FAM83D: variants seen among roughly 807,000 people sequenced by gnomAD.
FAM83D encodes the protein scaffolding CK1 anchoring protein D, also known as protein FAM83D.
FAM83D carries 26 observed loss-of-function variants against 25.4 expected under a neutral mutation model. That is an observed-to-expected ratio of 1.02 (90% CI 0.75 to 1.42). The LOEUF is 1.42. Among genes scored for constraint, FAM83D ranks in the 40% most tolerant of loss-of-function variants. The probability of loss-of-function intolerance (pLI) is 0.00; values close to 1 mark genes in which losing one functional copy is unlikely to be tolerated. For synonymous variants in FAM83D, 310 were observed against 318.5 expected (o/e 0.97, Z 0.28); for missense variants, 740 against 758.1 (o/e 0.98, Z 0.28).
Position 38,951,893 on chromosome 20 carries a change from C to T in FAM83D, c.1131C>T (p.His377=), listed in dbSNP as rs2085756628. 6.2e-7 allele frequency: 1 copy of T among 1,614,076 alleles called. No individual in the cohort carries two copies. Among genetic ancestry groups the T allele is most frequent in the African/African-American group, 1.3e-5 (1 of 74,934 alleles). ...GTGAGGAAGACTACTTCAGCAGCCA[C>T]AGGGACGAGCTCCAGAGCAGAAAGG... is the stretch of plus-strand genomic sequence containing the variant. The part of the protein sequence containing the change: ...TVSEEDYFSS[H]RDELQSRKAI... The change falls in exon 4 of 4, where the codon CAC becomes CAT. Residue 377 remains histidine (H), a synonymous_variant. Coordinates refer to ENST00000619850, the MANE Select transcript of FAM83D (RefSeq NM_030919.3).
Position 38,947,964 on chromosome 20 carries a change from T to A in FAM83D, c.740T>A (p.Leu247Ter). 3 of 1,614,244 alleles carry A rather than the reference T, an allele frequency of 1.9e-6. No homozygotes were observed. Among genetic ancestry groups the A allele is most frequent in the Non-Finnish European group, 2.5e-6 (3 of 1,180,044 alleles). ...IIGKVHEKFT[L>*]IDGIRVATGS... Reference sequence around the variant, plus strand: ...GGGAAGGTTCACGAAAAGTTCACGTTGATTGATGGCATCCGCGTGGCAACA... The same window carrying A: ...GGGAAGGTTCACGAAAAGTTCACGTAGATTGATGGCATCCGCGTGGCAACA... Residue 247 changes from leucine to a stop codon, truncating the protein, a stop_gained, in exon 3 of 4, where the codon TTG becomes TAG. Coordinates refer to ENST00000619850, the MANE Select transcript of FAM83D (RefSeq NM_030919.3). LOFTEE classifies it low-confidence loss of function (END_TRUNC).
At chr20:38,929,177 C>T (rs925435579) in intron 1 of FAM83D, among the ~76,000 whole-genome samples, 5 of 129,258 alleles carry the variant, frequency 3.9e-5, no homozygotes, top group African/African-American at 1.1e-4. Context: ...GACTCCCTCT[C>T]GGAAAAAAAA....
At chr20:38,930,065 G>A (rs1319337374) in intron 1 of FAM83D, among the ~76,000 whole-genome samples, 2 of 152,252 alleles carry the variant, frequency 1.3e-5, no homozygotes, top group Non-Finnish European at 2.9e-5. Flanking sequence ...CTGGTGGCTA[G>A]CTAAGAGCTA....
chr20:38,942,440 G>C (rs948283368), intron 2 of FAM83D, among the ~76,000 whole-genome samples: 9 of 152,228 alleles, frequency 5.9e-5, no homozygotes, highest in African/African-American at 2.2e-4. Flanking sequence ...TAAATGATAT[G>C]TTGTCTATTC....
chr20:38,938,737 A>G (rs2085688987), intron 1 of FAM83D, among the ~76,000 whole-genome samples: 1 of 151,938 alleles, frequency 6.6e-6, no homozygotes, highest in Non-Finnish European at 1.5e-5. Flanking sequence ...CGGCTCTCCC[A>G]TGATCTCCTT....
chr20:38,951,536 AAGTTTT>A lies in FAM83D; in HGVS notation c.777-1_781del. ...TGCTGTTTGTTTCTTTTTAATCTTT[AAGTTTT>A]ACATGGACGGATGGCAAATTAAACA... is the stretch of plus-strand genomic sequence containing the variant. On this transcript the variant is annotated splice_acceptor_variant and coding_sequence_variant, in exon 4 of 4. Transcript: ENST00000619850. LOFTEE classifies it high-confidence loss of function. 1.9e-6 allele frequency: 3 copies of A among 1,603,872 alleles called. No individual in the cohort carries two copies. The highest frequency in any genetic ancestry group is 2.6e-6 in the Non-Finnish European group (3 of 1,175,048).
chr20:38,943,305 T>C (rs1050058756), intron 2 of FAM83D, among the ~76,000 whole-genome samples: 8 of 152,184 alleles, frequency 5.3e-5, no homozygotes, highest in Middle Eastern at 3.2e-3. Flanking sequence ...ATTACAGGCA[T>C]GAGGCCCCAT....
chr20:38,927,133 A>G (rs1199072515), intron 1 of FAM83D, among the ~76,000 whole-genome samples: 1 of 152,100 alleles, frequency 6.6e-6, no homozygotes. Flanking sequence ...GTGGCAGGGG[A>G]TAGTGGGAAA....
rs80348623 is a variant in FAM83D, at chr20:38,926,426, C to T, written c.-17C>T. 3.1e-6 allele frequency: 5 copies of T among 1,597,178 alleles called. No homozygotes were observed. The highest frequency in any genetic ancestry group is 4.2e-6 in the Non-Finnish European group (5 of 1,178,414). On this transcript the variant is annotated 5_prime_UTR_variant, in exon 1 of 4. Coordinates refer to ENST00000619850, the MANE Select transcript of FAM83D (RefSeq NM_030919.3). The stretch of plus-strand genomic sequence containing the variant: ...ACGCCGGTTTTTGTCCGAGGGCTGT[C>T]GAGTCCGAGCGCCGCCATGGCTCTG...
chr20:38,942,783 T>C (rs538540259), intron 2 of FAM83D, among the ~76,000 whole-genome samples: 1 of 152,342 alleles, frequency 6.6e-6, no homozygotes, highest in East Asian at 1.9e-4. Context: ...TTTGTGTTAA[T>C]TGTATGATCT....
intron 1 of FAM83D, among the ~76,000 whole-genome samples, chr20:38,927,611 G>C (rs1430367257): frequency 6.8e-6 from 1 of 147,508 alleles, no homozygotes; most frequent in Non-Finnish European, 1.5e-5. Flanking sequence ...TGACTCTCCT[G>C]CCTCAGCCTC....
intron 2 of FAM83D, among the ~76,000 whole-genome samples, chr20:38,945,887 C>T (rs1032253486): frequency 7.9e-5 from 12 of 151,826 alleles, no homozygotes; most frequent in Admixed American, 2.6e-4. Context: ...TTTGGCACTG[C>T]GCCCGGCTGG....
chr20:38,947,077 GT>G (rs2085731608), intron 2 of FAM83D, among the ~76,000 whole-genome samples: 1 of 152,094 alleles, frequency 6.6e-6, no homozygotes, highest in Non-Finnish European at 1.5e-5. Flanking sequence ...AATCTTACAC[GT>G]TTAATTTAAA....
At chr20:38,943,244 T>C (rs2085710879) in intron 2 of FAM83D, among the ~76,000 whole-genome samples, 1 of 152,124 alleles carries the variant, frequency 6.6e-6, no homozygotes, top group African/African-American at 2.4e-5. Flanking sequence ...AGGCTGGTCT[T>C]GAACTCCTAC....
chr20:38,932,264 T>C (rs923666997), intron 1 of FAM83D, among the ~76,000 whole-genome samples: 1 of 152,194 alleles, frequency 6.6e-6, no homozygotes, highest in African/African-American at 2.4e-5. Flanking sequence ...CATGTGCCTG[T>C]AGTTCCAGCT....
At chr20:38,938,164 A>G (rs1034451728) in intron 1 of FAM83D, among the ~76,000 whole-genome samples, 2 of 152,222 alleles carry the variant, frequency 1.3e-5, no homozygotes, top group African/African-American at 4.8e-5. Flanking sequence ...CAAATTAGGT[A>G]TTTACTCACC....
chr20:38,932,052 G>C (rs891256364), intron 1 of FAM83D, among the ~76,000 whole-genome samples: 1 of 152,186 alleles, frequency 6.6e-6, no homozygotes, highest in African/African-American at 2.4e-5. Context: ...CTTTCAAAGT[G>C]TGGGCATTCT....
Position 38,951,706 on chromosome 20 carries a change from C to T in FAM83D, c.944C>T (p.Thr315Ile). The T allele has an allele frequency of 6.2e-7, 1 of 1,614,174 alleles. No individual in the cohort carries two copies. Among genetic ancestry groups the T allele is most frequent in the Non-Finnish European group, 8.5e-7 (1 of 1,180,044 alleles). The change falls in exon 4 of 4, where the codon ACC (threonine) becomes ATC (isoleucine). Residue 315 changes from threonine to isoleucine, a missense_variant. By Grantham distance (89) the Thr-to-Ile change is moderately conservative. Transcript: ENST00000619850. ...FQSSNKFDHL[T>I]NRKPQSKELT... ...AGCAGCAACAAGTTTGATCACCTCA[C>T]CAACCGAAAACCACAGTCCAAGGAG...
At chr20:38,947,650 A>G (rs1420636095) in intron 2 of FAM83D, among the ~76,000 whole-genome samples, 1 of 152,242 alleles carries the variant, frequency 6.6e-6, no homozygotes, top group Non-Finnish European at 1.5e-5. Context: ...ATAAGAAAAG[A>G]ACAGATGAGA....
Sources: gnomAD v4.1 joint callset for allele counts (sites outside exome capture counted in the v4.1 genomes callset) on GRCh38, gnomAD v4.1.1 for gene constraint, MANE v1.5 for transcripts, NCBI Gene and HGNC (gene_info 2026-07-23, HGNC 2026-07-21) for gene names.